SYN3: variants seen among roughly 807,000 people sequenced by gnomAD.
SYN3 encodes the protein synapsin III.
In SYN3, 35 loss-of-function variants were observed where a neutral mutation model predicts 65.8. The observed-to-expected ratio is 0.53, with a 90% CI of 0.41 to 0.70. SYN3 has a LOEUF of 0.70. Ranked by LOEUF, SYN3 falls within the 30% of genes least tolerant of loss-of-function variation. The pLI, the probability that SYN3 is intolerant of heterozygous loss-of-function variation, is 0.00. For missense variants in SYN3, 680 were observed against 749.0 expected, an observed-to-expected ratio of 0.91 and a Z score of 1.08; for synonymous variants, 270 against 292.9, an observed-to-expected ratio of 0.92 and a Z score of 0.80.
chr22:32,804,781 C>T (rs1057491948), intron 6 of SYN3, among the ~76,000 whole-genome samples: 6 of 152,154 alleles, frequency 3.9e-5, no homozygotes, highest in East Asian at 1.9e-4. Flanking sequence ...AACTACATGC[C>T]GGCTTATAAG....
At chr22:32,550,580 T>C (rs1405306930) in intron 7 of SYN3, among the ~76,000 whole-genome samples, 1 of 151,766 alleles carries the variant, frequency 6.6e-6, no homozygotes, top group Non-Finnish European at 1.5e-5. Context: ...TAAAATAAAA[T>C]AAATAAGTGT....
In SYN3 at chr22:32,510,984, CGTGTGT is replaced by C. The variant is rs111308299; in HGVS notation, c.*2702_*2707del. On this transcript the variant is annotated 3_prime_UTR_variant, in exon 14 of 14. Transcript: ENST00000358763. ...TGTCAATTCCAAGTTATTGTCCAGGCGTGTGTGTGTGTGTGTGTGTGTGTGTGTGTG... is the reference window on the plus strand; with the variant it reads ...TGTCAATTCCAAGTTATTGTCCAGGCGTGTGTGTGTGTGTGTGTGTGTGTG... Among the ~76,000 whole-genome samples the C allele has an allele frequency of 1.1e-4, 16 of 142,924 alleles. No individual in the cohort carries two copies. The highest frequency in any genetic ancestry group is 4.6e-4 in the South Asian group (2 of 4,332). The allele number at this position is 142,924 out of a possible 152,430, so 93.8% of individuals were successfully genotyped here.
At chr22:32,809,316 G>A (rs567903398) in intron 6 of SYN3, among the ~76,000 whole-genome samples, 4 of 152,298 alleles carry the variant, frequency 2.6e-5, no homozygotes, top group Admixed American at 1.3e-4. Flanking sequence ...TACCCATTTT[G>A]CGACCTCTCC....
intron 6 of SYN3, among the ~76,000 whole-genome samples, chr22:32,695,514 C>T (rs1204103341): frequency 6.6e-6 from 1 of 152,184 alleles, no homozygotes; most frequent in Non-Finnish European, 1.5e-5. Context: ...TCCCTGGGGA[C>T]ACATTTCCCC....
chr22:32,925,174 T>C (rs923390347), intron 4 of SYN3, among the ~76,000 whole-genome samples: 1 of 152,172 alleles, frequency 6.6e-6, no homozygotes, highest in East Asian at 1.9e-4. Flanking sequence ...CTTCTGATGA[T>C]TGTCAGCAAT....
At chr22:32,756,676 C>G (rs2045300734) in intron 6 of SYN3, among the ~76,000 whole-genome samples, 1 of 152,070 alleles carries the variant, frequency 6.6e-6, no homozygotes. Context: ...TCTGGTTGTT[C>G]AAAAGTGTGT....
chr22:32,961,233 G>A (rs921538665), intron 3 of SYN3, among the ~76,000 whole-genome samples: 8 of 152,126 alleles, frequency 5.3e-5, no homozygotes, highest in Non-Finnish European at 8.8e-5. Flanking sequence ...CTGTTGGGGG[G>A]ATTGGGGCAA....
At chr22:32,961,585 G>A (rs1007139269) in intron 3 of SYN3, among the ~76,000 whole-genome samples, 4 of 152,306 alleles carry the variant, frequency 2.6e-5, no homozygotes, top group South Asian at 2.1e-4. Flanking sequence ...AAGTAGCCTC[G>A]TAGCAACCCC....
chr22:32,510,059 CA>C lies in SYN3; in HGVS notation c.*3632del, dbSNP rs2057674739. On this transcript the variant is annotated 3_prime_UTR_variant, in exon 14 of 14. Transcript: ENST00000358763. ...TTGGATGCTGAGGTGTGTCTGAGGC[CA>C]AAGGACAGAATATAGGAATATGGGA... Among the ~76,000 whole-genome samples the C allele has an allele frequency of 1.3e-5, 2 of 152,034 alleles. No individual in the cohort carries two copies. The highest frequency in any genetic ancestry group is 4.8e-5 in the African/African-American group (2 of 41,388).
At chr22:32,601,139 T>C (rs890730132) in intron 6 of SYN3, among the ~76,000 whole-genome samples, 7 of 152,220 alleles carry the variant, frequency 4.6e-5, no homozygotes, top group African/African-American at 9.6e-5. Flanking sequence ...GCTGTATCTG[T>C]ATTTAGAGAA....
chr22:32,912,556 T>G (rs2050080298), intron 4 of SYN3, among the ~76,000 whole-genome samples: 2 of 151,994 alleles, frequency 1.3e-5, no homozygotes. Flanking sequence ...CCATCTCTAC[T>G]AAAAATAATA....
At chr22:32,771,297 G>A (rs972475772) in intron 6 of SYN3, among the ~76,000 whole-genome samples, 1 of 152,158 alleles carries the variant, frequency 6.6e-6, no homozygotes, top group South Asian at 2.1e-4. Context: ...GCCCTCTGAA[G>A]TTGTCCACCA....
At chr22:33,033,338 T>TTTTCTTGCTCACAGGTGGC (rs2145906027) in intron 1 of SYN3, among the ~76,000 whole-genome samples, 1 of 152,134 alleles carries the variant, frequency 6.6e-6, no homozygotes, top group South Asian at 2.1e-4. Flanking sequence ...TAGAGCTTGG[T>TTTTCTTGCTCACAGGTGGC]TTTCTTGCTC....
chr22:32,970,548 CA>C (rs992125403), intron 3 of SYN3, among the ~76,000 whole-genome samples: 31 of 115,574 alleles, frequency 2.7e-4, no homozygotes, highest in Admixed American at 4.7e-4. Flanking sequence ...GACTCCATCT[CA>C]AAAAAAAAAA....
At chr22:32,609,483 T>C (rs2059413072) in intron 6 of SYN3, among the ~76,000 whole-genome samples, 1 of 151,724 alleles carries the variant, frequency 6.6e-6, no homozygotes, top group Non-Finnish European at 1.5e-5. Context: ...GGTGTTTTTT[T>C]TTTTTTTTTA....
At chr22:32,636,376 G>A (rs1295104619) in intron 6 of SYN3, among the ~76,000 whole-genome samples, 1 of 149,328 alleles carries the variant, frequency 6.7e-6, no homozygotes, top group East Asian at 1.9e-4. Context: ...CACTCCAGCC[G>A]GGACGACAAA....
intron 6 of SYN3, among the ~76,000 whole-genome samples, chr22:32,628,801 G>A (rs947062591): frequency 6.6e-6 from 1 of 152,092 alleles, no homozygotes; most frequent in African/African-American, 2.4e-5. Flanking sequence ...AAGATGCCGG[G>A]CTGTTCCCCC....
At chr22:32,578,182 TTCTC>T (rs913892414) in intron 7 of SYN3, among the ~76,000 whole-genome samples, 5 of 146,954 alleles carry the variant, frequency 3.4e-5, no homozygotes, top group East Asian at 2.1e-4. Flanking sequence ...TTTTCTTTCT[TTCTC>T]TTTCTTTCTT....
At chr22:32,635,013 A>G (rs2059795507) in intron 6 of SYN3, 1 of 151,988 alleles carries the variant, frequency 6.6e-6, no homozygotes, top group African/African-American at 2.4e-5. Context: ...TTCTTCTTCT[A>G]ATGTAGCCCA....
Sources: allele counts gnomAD v4.1 joint callset (sites outside exome capture counted in the v4.1 genomes callset), GRCh38; gene constraint gnomAD v4.1.1; transcripts MANE v1.5; gene names NCBI Gene and HGNC (gene_info 2026-07-23, HGNC 2026-07-21).